ARHGEF17: variants seen among roughly 807,000 people sequenced by gnomAD.
ARHGEF17 encodes Rho guanine nucleotide exchange factor 17.
ARHGEF17 carries 80 observed loss-of-function variants against 174.0 expected under a neutral mutation model. The observed-to-expected ratio is 0.46, with a 90% confidence interval of 0.38 to 0.55. ARHGEF17 has a LOEUF of 0.55. Among genes scored for constraint, ARHGEF17 ranks in the 20% least tolerant of loss-of-function variants. The pLI is 0.00. For missense variants in ARHGEF17, 2,886 were observed against 2,839.7 expected, an observed-to-expected ratio of 1.02 and a Z score of -0.37; for synonymous variants, 1,311 against 1,189.1, an observed-to-expected ratio of 1.10 and a Z score of -2.11.
intron 1 of ARHGEF17, among the ~76,000 whole-genome samples, chr11:73,325,345 T>C (rs186290127): frequency 9.2e-5 from 14 of 152,020 alleles, no homozygotes; most frequent in African/African-American, 2.7e-4. Flanking sequence ...GGGCTGTGGG[T>C]GCTGGGGAAG....
chr11:73,351,902 G>A (rs1323434880), intron 2 of ARHGEF17, among the ~76,000 whole-genome samples: 2 of 152,086 alleles, frequency 1.3e-5, no homozygotes, highest in Admixed American at 6.5e-5. Context: ...CCTTTTAACT[G>A]ACTACGAGAT....
chr11:73,362,078 G>A lies in ARHGEF17; in HGVS notation c.4533G>A (p.Glu1511=), dbSNP rs758973802. The A allele has an allele frequency of 4.3e-6, 7 of 1,612,718 alleles. No individual in the cohort carries two copies. The East Asian group carries it at 1.6e-4, about 36-fold the overall frequency. Residue 1511 remains glutamate, a synonymous_variant, in exon 13 of 21, where the codon GAG becomes GAA. Transcript: ENST00000263674. ...CTCCCACCCTGAACAGCTGCCCGGA[G>A]CCCTCGCCTGAGGTATGGGTCTGCA... The part of the protein sequence containing the change: ...CAAPTLNSCP[E]PSPEVWVCNS...
chr11:73,364,404 C>CCCCT (rs765249160), intron 17 of ARHGEF17, 48 bp from the exon 18 acceptor site: 12 of 1,611,980 alleles, frequency 7.4e-6, no homozygotes, highest in Non-Finnish European at 1.0e-5. Context: ...GACCGAGGCT[C>CCCCT]AAATTTAGAA....
At chr11:73,313,072 C>A (rs938945785) in intron 1 of ARHGEF17, among the ~76,000 whole-genome samples, 2 of 152,212 alleles carry the variant, frequency 1.3e-5, no homozygotes, top group Non-Finnish European at 2.9e-5. Context: ...AAATTATAAA[C>A]CCTGGACTGA....
At chr11:73,325,773 C>G (rs1865091968) in intron 1 of ARHGEF17, among the ~76,000 whole-genome samples, 1 of 152,270 alleles carries the variant, frequency 6.6e-6, no homozygotes. Flanking sequence ...CAATTTGCTC[C>G]TGTACCACCC....
At chr11:73,327,727 G>A (rs1865125247) in intron 1 of ARHGEF17, among the ~76,000 whole-genome samples, 2 of 152,002 alleles carry the variant, frequency 1.3e-5, no homozygotes, top group African/African-American at 4.8e-5. Context: ...CGTGGTAAAG[G>A]TGGGGAAATT....
At chr11:73,343,853 C>T (rs1286476376) in intron 1 of ARHGEF17, among the ~76,000 whole-genome samples, 1 of 152,192 alleles carries the variant, frequency 6.6e-6, no homozygotes, top group Non-Finnish European at 1.5e-5. Flanking sequence ...ATTCTGTCCC[C>T]TCCCCGTGCA....
intron 1 of ARHGEF17, among the ~76,000 whole-genome samples, chr11:73,323,332 G>A (rs1286224860): frequency 2.0e-5 from 3 of 152,228 alleles, no homozygotes; most frequent in African/African-American, 7.2e-5. Context: ...GAGTCCAGCA[G>A]AGCTCTAGAA....
At chr11:73,352,005 T>A (rs1865562728) in intron 2 of ARHGEF17, among the ~76,000 whole-genome samples, 1 of 152,206 alleles carries the variant, frequency 6.6e-6, no homozygotes, top group African/African-American at 2.4e-5. Flanking sequence ...TATCATAATT[T>A]AATTGGCAAC....
chr11:73,330,633 G>C (rs900554125), intron 1 of ARHGEF17, among the ~76,000 whole-genome samples: 1 of 152,190 alleles, frequency 6.6e-6, no homozygotes, highest in African/African-American at 2.4e-5. Flanking sequence ...ATAACTTGCT[G>C]GGCCCTGGAA....
chr11:73,310,760 C>T lies in ARHGEF17; in HGVS notation c.2122C>T (p.Arg708Ter), dbSNP rs1403754304. The stretch of plus-strand genomic sequence containing the variant: ...CCCTCCCACACCAGGTGCCCTCCGC[C>T]GACGACGCAAAGTCCCACCTTCAGG... ...ETPPTPGALR[R>*]RRKVPPSGSG... Residue 708 changes from arginine to a stop codon, truncating the protein, a stop_gained, in exon 1 of 21, where the codon CGA (arginine) becomes TGA (stop). Transcript: ENST00000263674. LOFTEE classifies it high-confidence loss of function. The T allele has an allele frequency of 6.2e-7, 1 of 1,610,960 alleles. No individual in the cohort carries two copies.
In ARHGEF17 at chr11:73,357,151, G is replaced by C. The variant is rs1170038827; in HGVS notation, c.4001+17G>C. On this transcript the variant is annotated intron_variant, in intron 8 of 20. Coordinates refer to ENST00000263674, the MANE Select transcript of ARHGEF17 (RefSeq NM_014786.4). The stretch of plus-strand genomic sequence containing the variant: ...CATGAGCCTGTGAGTGGCTGGGCCG[G>C]GGTTTGGGTGGTGCCAACAGGGGGA... 6.2e-7 allele frequency: 1 copy of C among 1,613,644 alleles called. No homozygotes were observed. The highest frequency in any genetic ancestry group is 8.5e-7 in the Non-Finnish European group (1 of 1,179,768).
At chr11:73,356,894 C>G (rs1382189105) in intron 7 of ARHGEF17, 131 bp from the exon 8 acceptor site, 2 of 1,497,576 alleles carry the variant, frequency 1.3e-6, no homozygotes, top group Non-Finnish European at 1.8e-6. Context: ...CCACTCTGCT[C>G]TGACTCTCTG....
At chr11:73,356,961 T>C (rs1865652660) in intron 7 of ARHGEF17, 64 bp from the exon 8 acceptor site, 10 of 1,565,026 alleles carry the variant, frequency 6.4e-6, no homozygotes, top group Non-Finnish European at 7.9e-6. Flanking sequence ...TTGGGCACTA[T>C]GGGCAGGGGG....
At chr11:73,357,927 G>A (rs1413994384) in intron 9 of ARHGEF17, among the ~76,000 whole-genome samples, 1 of 152,254 alleles carries the variant, frequency 6.6e-6, no homozygotes, top group Non-Finnish European at 1.5e-5. Flanking sequence ...CTGGAGGGGA[G>A]CTCACCTGGA....
At chr11:73,340,807 C>T (rs558214978) in intron 1 of ARHGEF17, among the ~76,000 whole-genome samples, 1 of 152,350 alleles carries the variant, frequency 6.6e-6, no homozygotes, top group East Asian at 1.9e-4. Flanking sequence ...ACAGGCCTGT[C>T]CATCCTCCCT....
At chr11:73,320,068 C>A (rs1001651083) in intron 1 of ARHGEF17, among the ~76,000 whole-genome samples, 1 of 140,432 alleles carries the variant, frequency 7.1e-6, no homozygotes, top group Non-Finnish European at 1.5e-5. Flanking sequence ...GAGAGCCCAG[C>A]GGCAGAAGGA....
chr11:73,320,912 T>C (rs1467845011), intron 1 of ARHGEF17, among the ~76,000 whole-genome samples: 1 of 152,156 alleles, frequency 6.6e-6, no homozygotes, highest in Non-Finnish European at 1.5e-5. Context: ...TCTTCCCGCC[T>C]TGGCCTCCCA....
chr11:73,333,459 C>A (rs773886587), intron 1 of ARHGEF17, among the ~76,000 whole-genome samples: 5 of 152,262 alleles, frequency 3.3e-5, no homozygotes, highest in African/African-American at 1.2e-4. Flanking sequence ...CCTAAAAGCC[C>A]AAGCTGCTGT....
Sources: gnomAD v4.1 joint callset for allele counts (sites outside exome capture counted in the v4.1 genomes callset) on GRCh38, gnomAD v4.1.1 for gene constraint, MANE v1.5 for transcripts, NCBI Gene and HGNC (gene_info 2026-07-23, HGNC 2026-07-21) for gene names.